CYBB: variants seen among roughly 807,000 people sequenced by gnomAD.
CYBB encodes the protein cytochrome b-245 beta chain, also known as NADPH oxidase 2.
CYBB carries 5 observed loss-of-function variants against 46.5 expected under a neutral mutation model. The ratio of observed to expected loss-of-function variants is 0.11; its 90% CI spans 0.06 to 0.23. CYBB has a LOEUF of 0.23. Among genes scored for constraint, CYBB ranks in the 10% least tolerant of loss-of-function variants. CYBB has a pLI of 1.00. For missense variants in CYBB, 307 were observed against 428.3 expected, an observed-to-expected ratio of 0.72 and a Z score of 2.50; for synonymous variants, 183 against 156.7, an observed-to-expected ratio of 1.17 and a Z score of -1.26.
chrX:37,793,191 A>G (rs1433593707), intron 4 of CYBB, among the ~76,000 whole-genome samples: 1 of 107,856 alleles, frequency 9.3e-6, no homozygotes, highest in Non-Finnish European at 1.9e-5. Flanking sequence ...GTTTGTATCA[A>G]TTCAATCAAA....
intron 10 of CYBB, among the ~76,000 whole-genome samples, 186 bp downstream of exon 10, chrX:37,805,354 A>G (rs1929537677): frequency 8.9e-6 from 1 of 111,827 alleles, no homozygotes; most frequent in African/African-American, 3.3e-5. Flanking sequence ...CTTCTAGATA[A>G]GTAGGCCTAT....
intron 3 of CYBB, among the ~76,000 whole-genome samples, chrX:37,788,048 T>C (rs1379619834): frequency 8.9e-6 from 1 of 112,248 alleles, no homozygotes; most frequent in African/African-American, 3.2e-5. Context: ...CAGAGTATCA[T>C]TGAATGGACA....
At position 37,782,015 on chromosome X, in the gene CYBB, A is replaced by T. The variant is rs868954428; in HGVS notation, c.46-73A>T. 4 of 882,832 alleles carry T rather than the reference A, an allele frequency of 4.5e-6. No individual in the cohort carries two copies. The African/African-American group carries it at 7.9e-5, about 17-fold the overall frequency. The allele number at this position is 882,832 out of a possible 1,213,427, so 72.8% of individuals were successfully genotyped here. On this transcript the variant is annotated intron_variant, in intron 1 of 12. Transcript: ENST00000378588. Reference sequence around the variant, plus strand: ...TGGACTTGGGGAAGTCCTGACCCTTATCTGACTCCAGTCTTGTGTGGAATC... The same window carrying T: ...TGGACTTGGGGAAGTCCTGACCCTTTTCTGACTCCAGTCTTGTGTGGAATC...
chrX:37,798,818 GAGGGAGCAA>G, intron 6 of CYBB, 128 bp from the exon 7 acceptor site: 1 of 608,030 alleles, frequency 1.6e-6, no homozygotes, highest in Non-Finnish European at 2.7e-6. Flanking sequence ...CATCTATTCA[GAGGGAGCAA>G]TAAGCTATCG....
rs1929003534 is a variant in CYBB at position 37,783,745 on chromosome X, T to A, written c.252+145T>A. 6.1e-6 allele frequency: 3 copies of A among 495,263 alleles called. No homozygotes were observed. In the Admixed American group the frequency reaches 8.9e-5, roughly 15 times the overall value. 40.8% of individuals were successfully genotyped at this position (495,263 alleles called of 1,213,427 possible). On this transcript the variant is annotated intron_variant, in intron 3 of 12. Coordinates refer to ENST00000378588, the MANE Select transcript of CYBB (RefSeq NM_000397.4). ...TGAGCCAAGCCATTATCTAGTATAT[T>A]TCTGTGCTATTTGGGGATGGAGCTC...
intron 6 of CYBB, among the ~76,000 whole-genome samples, chrX:37,797,018 G>T (rs1326461049): frequency 2.7e-5 from 3 of 111,302 alleles, no homozygotes; most frequent in African/African-American, 9.8e-5. Context: ...TGCACACAAA[G>T]GCAGGCCTGG....
rs1556464121 is a variant in CYBB at position 37,780,118 on chromosome X, T to C, written c.41T>C (p.Val14Ala). 1.7e-6 allele frequency: 2 copies of C among 1,202,024 alleles called. No homozygotes were observed. The highest frequency in any genetic ancestry group is 2.2e-5 in the Admixed American group (1 of 46,012). ...GTGAATGAGGGGCTCTCCATTTTTG[T>C]CATTGTAAGTACCAACAAGAGATAA... ...WAVNEGLSIF[V>A]ILVWLGLNVF... is the part of the protein sequence containing the mutation. The change falls in exon 1 of 13, where the codon GTC (valine) becomes GCC (alanine). Residue 14 changes from valine to alanine, a missense_variant. Physicochemically the swap from Val to Ala is moderately conservative, Grantham distance 64. Coordinates refer to ENST00000378588, the MANE Select transcript of CYBB (RefSeq NM_000397.4).
chrX:37,790,154 A>G lies in CYBB; in HGVS notation c.253-1821A>G, dbSNP rs181192610. Among the ~76,000 whole-genome samples the G allele has an allele frequency of 1.1e-4, 12 of 112,306 alleles. No homozygotes were observed. The East Asian group carries it at 3.4e-3, about 31-fold the overall frequency. On this transcript the variant is annotated intron_variant, in intron 3 of 12. Coordinates refer to ENST00000378588, the MANE Select transcript of CYBB (RefSeq NM_000397.4). ...TAAAAAACCCTTTGGGATAAGTTCT[A>G]CACAGTCTCCCAGAGTTCCCTGGTG...
At chrX:37,780,254 T>A in intron 1 of CYBB, 132 bp downstream of exon 1, 1 of 552,736 alleles carries the variant, frequency 1.8e-6, no homozygotes, top group Non-Finnish European at 3.1e-6. Context: ...AACCTATATC[T>A]ATCTGTAAAC....
At position 37,800,369 on chromosome X, in the gene CYBB, A is replaced by T. The variant is rs189985026; in HGVS notation, c.805-887A>T. 1.7e-4 allele frequency among the ~76,000 whole-genome samples: 19 copies of T among 111,778 alleles called. No individual in the cohort carries two copies. The East Asian group carries it at 4.8e-3, about 28-fold the overall frequency. On this transcript the variant is annotated intron_variant, in intron 7 of 12. Coordinates refer to ENST00000378588, the MANE Select transcript of CYBB (RefSeq NM_000397.4). ...AACATTGTTTATATTTGGGGCAAAT[A>T]TTCTTCAAGTTTGGCTGAAGATGGA...
chrX:37,795,928 GTGTGTGTGTT>G lies in CYBB; in HGVS notation c.484-21_484-12del. On this transcript the variant is annotated splice_polypyrimidine_tract_variant and intron_variant, in intron 5 of 12. Transcript: ENST00000378588. ...TGTGTGTGTGTGTGTGTGTGTGTGT[GTGTGTGTGTT>G]TATATTTTACAGAACCCTGAAGGAG... 1.0e-6 allele frequency: 1 copy of G among 983,326 alleles called. No homozygotes were observed. The allele number at this position is 983,326 out of a possible 1,213,427, so 81.0% of individuals were successfully genotyped here.
intron 3 of CYBB, among the ~76,000 whole-genome samples, chrX:37,788,198 G>C (rs782646664): frequency 9.0e-6 from 1 of 111,642 alleles, no homozygotes; most frequent in Non-Finnish European, 1.9e-5. Context: ...TGATGATAAG[G>C]ATAGGACTAT....
intron 3 of CYBB, among the ~76,000 whole-genome samples, chrX:37,786,202 T>C (rs901021143): frequency 8.9e-6 from 1 of 111,851 alleles, no homozygotes; most frequent in Admixed American, 9.5e-5. Flanking sequence ...GGAAATCATA[T>C]AGCTGCCACT....
In CYBB at chrX:37,780,223, T is replaced by C. The variant is rs1928920473; in HGVS notation, c.45+101T>C. On this transcript the variant is annotated intron_variant, in intron 1 of 12. Coordinates refer to ENST00000378588, the MANE Select transcript of CYBB (RefSeq NM_000397.4). Reference sequence around the variant, plus strand: ...TTTTTTGTTCATTTGAGGAATTGTGTTGAAACTGATTTACCATGTGAACCT... The same window carrying C: ...TTTTTTGTTCATTTGAGGAATTGTGCTGAAACTGATTTACCATGTGAACCT... The C allele has an allele frequency of 2.7e-5, 18 of 668,701 alleles. No individual in the cohort carries two copies. The East Asian group carries it at 6.2e-4, about 23-fold the overall frequency. The allele number at this position is 668,701 out of a possible 1,213,427, so 55.1% of individuals were successfully genotyped here.
Position 37,798,949 on chromosome X carries a change from AC to A in CYBB, c.675-3del, listed in dbSNP as rs782041564. The A allele has an allele frequency of 8.3e-7, 1 of 1,202,058 alleles. No homozygotes were observed. The highest frequency in any genetic ancestry group is 1.8e-5 in the South Asian group (1 of 56,152). The stretch of plus-strand genomic sequence containing the variant: ...TAAATGATCTGGACTTACATTTTTC[AC>A]CCAGACGAATTGTACGTGGGCAGAC... On this transcript the variant is annotated splice_polypyrimidine_tract_variant and splice_region_variant and intron_variant, in intron 6 of 12. Coordinates refer to ENST00000378588, the MANE Select transcript of CYBB (RefSeq NM_000397.4).
chrX:37,809,804 T>C (rs1929634592), intron 12 of CYBB, 113 bp downstream of exon 12: 1 of 787,080 alleles, frequency 1.3e-6, no homozygotes, highest in Admixed American at 2.9e-5. Flanking sequence ...TATTACTATA[T>C]AAAGATTGAA....
Position 37,810,880 on chromosome X carries a change from G to A in CYBB, c.1676G>A (p.Arg559Gln), listed in dbSNP as rs763640811. The change falls in exon 13 of 13, where the codon CGG (arginine) becomes CAG (glutamine). Residue 559 changes from arginine to glutamine, a missense_variant. Arg to Gln is a conservative substitution (Grantham distance 43). Around this residue, in one of 3 missense-constraint regions of CYBB, gnomAD observed 122 missense variants for 208.3 expected, o/e 0.59. Transcript: ENST00000378588. ...ATCTCCAACTCTGAGTCTGGCCCTC[G>A]GGGAGTGCATTTCATTTTCAACAAG... The part of the protein sequence containing the change: ...QSISNSESGP[R>Q]GVHFIFNKEN... 36 of 1,207,643 alleles carry A rather than the reference G, an allele frequency of 3.0e-5. No individual in the cohort carries two copies. The highest frequency in any genetic ancestry group is 2.9e-5 in the Non-Finnish European group (26 of 892,148).
chrX:37,799,152 A>C, intron 7 of CYBB, 68 bp downstream of exon 7: 1 of 1,020,274 alleles, frequency 9.8e-7, no homozygotes, highest in Non-Finnish European at 1.4e-6. Flanking sequence ...TCTAAGAAAC[A>C]TGTACAGATG....
intron 7 of CYBB, among the ~76,000 whole-genome samples, chrX:37,799,620 C>T (rs1929394999): frequency 8.9e-6 from 1 of 111,881 alleles, no homozygotes; most frequent in Non-Finnish European, 1.9e-5. Flanking sequence ...ACCAACATCC[C>T]AATGGCATCA....
Sources: allele counts gnomAD v4.1 joint callset (sites outside exome capture counted in the v4.1 genomes callset), GRCh38; gene constraint gnomAD v4.1.1; regional missense constraint gnomAD v4.1.1; transcripts MANE v1.5; gene names NCBI Gene and HGNC (gene_info 2026-07-23, HGNC 2026-07-21).